WDR17: variants seen among roughly 807,000 people sequenced by gnomAD.
WDR17 encodes WD repeat-containing protein 17.
Under a neutral mutation model 161.7 loss-of-function variants are expected in WDR17, and 143 were observed. The observed-to-expected ratio is 0.88, with a 90% CI of 0.77 to 1.02. The LOEUF (loss-of-function observed/expected upper bound fraction) is 1.02. Ranked by LOEUF, WDR17 falls within the 50% of genes least tolerant of loss-of-function variation. The pLI, the probability that WDR17 is intolerant of heterozygous loss-of-function variation, is 0.00. For missense variants in WDR17, 1,469 were observed against 1,520.9 expected, an observed-to-expected ratio of 0.97 and a Z score of 0.57; for synonymous variants, 517 against 515.6, an observed-to-expected ratio of 1.00 and a Z score of -0.04.
chr4:176,126,693 C>T (rs6813271), intron 5 of WDR17, among the ~76,000 whole-genome samples: 100,286 of 152,012 alleles, frequency 0.66, 33,377 homozygotes, highest in South Asian at 0.71. Context: ...GTGGCTTGAC[C>T]GTGTCTCCAC....
At chr4:176,104,034 C>A (rs148570935) in intron 1 of WDR17, among the ~76,000 whole-genome samples, 1 of 152,150 alleles carries the variant, frequency 6.6e-6, no homozygotes, top group African/African-American at 2.4e-5. Context: ...TTAACACATA[C>A]ATACAGGGAT....
chr4:176,152,432 T>A (rs1043896107), intron 17 of WDR17, among the ~76,000 whole-genome samples: 1 of 150,700 alleles, frequency 6.6e-6, no homozygotes, highest in African/African-American at 2.4e-5. Context: ...TTGTCTCTGC[T>A]AAAATACAGA....
At chr4:176,092,775 C>T (rs936908742) in intron 1 of WDR17, among the ~76,000 whole-genome samples, 5 of 152,184 alleles carry the variant, frequency 3.3e-5, no homozygotes, top group Non-Finnish European at 7.3e-5. Context: ...GATGCGGTGG[C>T]TCACGTCTGT....
chr4:176,117,189 G>A (rs910529189), intron 3 of WDR17, among the ~76,000 whole-genome samples: 1 of 152,062 alleles, frequency 6.6e-6, no homozygotes, highest in African/African-American at 2.4e-5. Context: ...ACAATGCTTT[G>A]TGATATATAA....
At chr4:176,115,309 C>G (rs1413441171) in intron 2 of WDR17, among the ~76,000 whole-genome samples, 2 of 151,504 alleles carry the variant, frequency 1.3e-5, no homozygotes, top group African/African-American at 4.8e-5. Context: ...AATGTCCCAT[C>G]CAAAAAAAAC....
rs553142195 is a variant in WDR17 at position 176,096,378 on chromosome 4, G to A, written c.-6-15197G>A. On this transcript the variant is annotated intron_variant, in intron 1 of 28. Transcript: ENST00000508596. ...TTGTTTCAGCTGAAATATTTGTGCAGTTCTAGCCTTTTGTACTGAACATCA... is the reference window on the plus strand; with the variant it reads ...TTGTTTCAGCTGAAATATTTGTGCAATTCTAGCCTTTTGTACTGAACATCA... 788 of 538,286 alleles carry A rather than the reference G, an allele frequency of 1.5e-3. 6 individuals are homozygous for A. The highest frequency in any genetic ancestry group is 0.013 in the African/African-American group (665 of 50,776). The allele number at this position is 538,286 out of a possible 1,614,324, so 33.3% of individuals were successfully genotyped here.
intron 1 of WDR17, among the ~76,000 whole-genome samples, chr4:176,095,858 C>T (rs2126642376): frequency 6.6e-6 from 1 of 152,192 alleles, no homozygotes; most frequent in East Asian, 1.9e-4. Context: ...ATATCTTACT[C>T]ATCATGGCTA....
chr4:176,142,582 A>G (rs1745456313), intron 11 of WDR17, among the ~76,000 whole-genome samples: 1 of 152,224 alleles, frequency 6.6e-6, no homozygotes, highest in African/African-American at 2.4e-5. Context: ...CTTAGATTTA[A>G]AATTACATCC....
chr4:176,173,467 T>TCTG, intron 25 of WDR17, 98 bp downstream of exon 25: 1 of 699,700 alleles, frequency 1.4e-6, no homozygotes. Flanking sequence ...TAGGATTATC[T>TCTG]TGGACAGGTA....
At chr4:176,069,102 A>C (rs1362141789) in intron 1 of WDR17, among the ~76,000 whole-genome samples, 1 of 152,110 alleles carries the variant, frequency 6.6e-6, no homozygotes, top group Non-Finnish European at 1.5e-5. Context: ...TTTTCATCTG[A>C]TTTCAGTGAC....
intron 4 of WDR17, among the ~76,000 whole-genome samples, chr4:176,122,027 A>G (rs1282586859): frequency 6.6e-6 from 1 of 152,188 alleles, no homozygotes; most frequent in Non-Finnish European, 1.5e-5. Context: ...CAAACAGGAC[A>G]GCTTAGAACA....
chr4:176,174,701 A>G lies in WDR17; in HGVS notation c.3432A>G (p.Ala1144=). 1 of 1,609,048 alleles carries G rather than the reference A, an allele frequency of 6.2e-7. No homozygotes were observed. The highest frequency in any genetic ancestry group is 8.5e-7 in the Non-Finnish European group (1 of 1,176,828). ...GACAGTACCAAAGCATTGTTCCAGC[A>G]CTTTATGAGTACACAAGGTAAAAAA... The part of the protein sequence containing the change: ...IRRQYQSIVP[A]LYEYTSQLLK... The change falls in exon 26 of 29, where the codon GCA becomes GCG. Residue 1144 remains alanine (A), a synonymous_variant. Coordinates refer to ENST00000508596, the MANE Select transcript of WDR17 (RefSeq NM_181265.4).
At position 176,131,588 on chromosome 4, in the gene WDR17, A is replaced by G. The variant is rs1199195984; in HGVS notation, c.948A>G (p.Thr316=). The G allele has an allele frequency of 1.9e-6, 3 of 1,610,900 alleles. No homozygotes were observed. Among genetic ancestry groups the G allele is most frequent in the Non-Finnish European group, 1.7e-6 (2 of 1,178,506 alleles). Residue 316 remains threonine (T), a synonymous_variant, in exon 7 of 29, where the codon ACA becomes ACG. Coordinates refer to ENST00000508596, the MANE Select transcript of WDR17 (RefSeq NM_181265.4). ...SVQSPTKNHY[T]SSTSEAVPPP... ...AATCTCCAACCAAAAATCATTATAC[A>G]TCCTCAACAAGCGAAGCAGTTCCAC...
intron 1 of WDR17, among the ~76,000 whole-genome samples, chr4:176,067,406 G>A (rs868642296): frequency 1.1e-4 from 16 of 152,240 alleles, no homozygotes; most frequent in African/African-American, 3.6e-4. Flanking sequence ...GGGCATATAC[G>A]GAAAGTAAAG....
At chr4:176,139,800 T>G (rs1156942676) in intron 9 of WDR17, 92 bp from the exon 10 acceptor site, 1 of 1,064,284 alleles carries the variant, frequency 9.4e-7, no homozygotes, top group Non-Finnish European at 1.4e-6. Flanking sequence ...AGCACATTCC[T>G]AACAGAAAAG....
intron 1 of WDR17, among the ~76,000 whole-genome samples, chr4:176,079,445 A>G (rs1210222818): frequency 1.3e-5 from 2 of 152,132 alleles, no homozygotes; most frequent in Admixed American, 6.6e-5. Flanking sequence ...GAAAAATAAA[A>G]CCCAGTTTTT....
intron 1 of WDR17, among the ~76,000 whole-genome samples, chr4:176,092,029 C>A (rs191620738): frequency 2.0e-5 from 3 of 151,946 alleles, no homozygotes; most frequent in Non-Finnish European, 4.4e-5. Context: ...TAAAGAAAAA[C>A]CAGTACCAAA....
chr4:176,108,626 G>A (rs938865843), intron 1 of WDR17, among the ~76,000 whole-genome samples: 9 of 152,032 alleles, frequency 5.9e-5, no homozygotes, highest in Non-Finnish European at 1.0e-4. Context: ...GTGCCATCCG[G>A]TGCTGAGTGT....
At chr4:176,141,037 C>A (rs1745174146) in intron 10 of WDR17, among the ~76,000 whole-genome samples, 1 of 152,182 alleles carries the variant, frequency 6.6e-6, no homozygotes, top group South Asian at 2.1e-4. Flanking sequence ...ACATTTAAGA[C>A]AGTCTTTTCC....
Sources: allele counts gnomAD v4.1 joint callset (sites outside exome capture counted in the v4.1 genomes callset), GRCh38; gene constraint gnomAD v4.1.1; transcripts MANE v1.5; gene names NCBI Gene and HGNC (gene_info 2026-07-23, HGNC 2026-07-21).